Variants in MAPK10 observed in about 807,000 individuals in gnomAD.
The protein encoded by MAPK10 is mitogen-activated protein kinase 10.
MAPK10 carries 25 observed loss-of-function variants against 59.3 expected under a neutral mutation model. That is an observed-to-expected ratio of 0.42 (90% CI 0.31 to 0.59). MAPK10 has a LOEUF of 0.59. Ranked by LOEUF, MAPK10 falls within the 20% of genes least tolerant of loss-of-function variation. The pLI is 0.15. For missense variants in MAPK10, 351 were observed against 568.9 expected, an observed-to-expected ratio of 0.62 and a Z score of 3.90; for synonymous variants, 190 against 200.5, an observed-to-expected ratio of 0.95 and a Z score of 0.44.
chr4:86,436,624 C>A (rs2149044626), intron 1 of MAPK10, among the ~76,000 whole-genome samples: 1 of 152,130 alleles, frequency 6.6e-6, no homozygotes, highest in Admixed American at 6.5e-5. Context: ...AACAACCTAG[C>A]TAAATGTACT....
intron 9 of MAPK10, among the ~76,000 whole-genome samples, chr4:86,074,273 G>A (rs935058246): frequency 1.3e-4 from 18 of 141,930 alleles, no homozygotes; most frequent in Non-Finnish European, 2.5e-4. Context: ...CTTTTATTTT[G>A]AGCCTATGTG....
chr4:86,470,127 A>AG (rs1752543795), intron 1 of MAPK10, among the ~76,000 whole-genome samples: 1 of 152,202 alleles, frequency 6.6e-6, no homozygotes, highest in Non-Finnish European at 1.5e-5. Context: ...AAGTCACAAA[A>AG]GGGGGTATAA....
intron 2 of MAPK10, among the ~76,000 whole-genome samples, chr4:86,239,638 A>C (rs1405368760): frequency 6.6e-6 from 1 of 151,748 alleles, no homozygotes; most frequent in African/African-American, 2.4e-5. Flanking sequence ...ATTTGCTTAG[A>C]GGTGTTTATA....
At chr4:86,198,382 G>A (rs1306490801) in intron 2 of MAPK10, among the ~76,000 whole-genome samples, 1 of 152,060 alleles carries the variant, frequency 6.6e-6, no homozygotes, top group South Asian at 2.1e-4. Flanking sequence ...TATGGGAACT[G>A]GGGCCCGAGG....
chr4:86,277,800 A>T (rs2094637687), intron 2 of MAPK10, among the ~76,000 whole-genome samples: 1 of 152,146 alleles, frequency 6.6e-6, no homozygotes. Flanking sequence ...ACTATCAACC[A>T]TCTAAATTTA....
At chr4:86,524,339 A>G (rs1354214561) in intron 1 of MAPK10, among the ~76,000 whole-genome samples, 2 of 152,180 alleles carry the variant, frequency 1.3e-5, no homozygotes, top group South Asian at 2.1e-4. Context: ...TTTTTATGCA[A>G]TCACCTACTT....
At chr4:86,246,963 A>G (rs1022244917) in intron 2 of MAPK10, among the ~76,000 whole-genome samples, 2 of 152,132 alleles carry the variant, frequency 1.3e-5, no homozygotes, top group Admixed American at 6.5e-5. Context: ...TGTGCAACCT[A>G]AGTTGGACCA....
chr4:86,070,860 A>C (rs1431940292), intron 9 of MAPK10, among the ~76,000 whole-genome samples: 1 of 152,124 alleles, frequency 6.6e-6, no homozygotes, highest in Non-Finnish European at 1.5e-5. Flanking sequence ...ATACGTGTGC[A>C]TGTGTCTTTA....
intron 1 of MAPK10, among the ~76,000 whole-genome samples, chr4:86,536,790 T>C (rs942345094): frequency 6.6e-5 from 10 of 152,206 alleles, no homozygotes; most frequent in African/African-American, 2.4e-4. Flanking sequence ...TTCCCATAGA[T>C]TAAAAAGACA....
chr4:86,053,144 A>G (rs1050994008), intron 11 of MAPK10, among the ~76,000 whole-genome samples: 1 of 152,178 alleles, frequency 6.6e-6, no homozygotes, highest in Non-Finnish European at 1.5e-5. Context: ...CTGCTCACCA[A>G]ATAATTCTGC....
At chr4:86,201,560 A>G (rs2149331949) in intron 2 of MAPK10, among the ~76,000 whole-genome samples, 1 of 152,056 alleles carries the variant, frequency 6.6e-6, no homozygotes, top group African/African-American at 2.4e-5. Context: ...TATATTACAA[A>G]TTATAGAAAT....
intron 2 of MAPK10, among the ~76,000 whole-genome samples, chr4:86,231,701 T>C (rs958197121): frequency 2.0e-5 from 3 of 152,116 alleles, no homozygotes; most frequent in Admixed American, 6.6e-5. Context: ...AGTACAGTTA[T>C]AGGGATAGTA....
intron 13 of MAPK10, chr4:86,027,055 A>G (rs1401365714): frequency 7.2e-5 from 11 of 152,352 alleles, no homozygotes; most frequent in Non-Finnish European, 1.6e-4. Flanking sequence ...CAGCGCCAGC[A>G]CATGGCTGCC....
chr4:86,167,757 T>C (rs2072323567), intron 3 of MAPK10, among the ~76,000 whole-genome samples: 2 of 152,046 alleles, frequency 1.3e-5, no homozygotes, highest in Admixed American at 1.3e-4. Flanking sequence ...CCACAACCAA[T>C]ATCCCACAAC....
intron 2 of MAPK10, among the ~76,000 whole-genome samples, chr4:86,284,543 C>T (rs2094929985): frequency 6.6e-6 from 1 of 152,204 alleles, no homozygotes; most frequent in Non-Finnish European, 1.5e-5. Context: ...CCACAGAGCT[C>T]TGTGCCTCAG....
At chr4:86,123,902 A>C (rs889561359) in intron 4 of MAPK10, 1 of 152,042 alleles carries the variant, frequency 6.6e-6, no homozygotes, top group African/African-American at 2.4e-5. Flanking sequence ...TAAACATTTA[A>C]GTTATGGCTA....
intron 1 of MAPK10, among the ~76,000 whole-genome samples, chr4:86,585,347 T>G (rs1304813657): frequency 6.6e-6 from 1 of 152,160 alleles, no homozygotes; most frequent in South Asian, 2.1e-4. Flanking sequence ...TACAAAAATA[T>G]ATTTAATGGA....
At chr4:86,276,855 A>T (rs572265858) in intron 2 of MAPK10, among the ~76,000 whole-genome samples, 7 of 152,170 alleles carry the variant, frequency 4.6e-5, no homozygotes, top group African/African-American at 1.4e-4. Flanking sequence ...GCCCTGCATC[A>T]CAATGCTAGT....
chr4:86,164,066 T>C (rs1263784211), intron 3 of MAPK10, among the ~76,000 whole-genome samples: 1 of 152,148 alleles, frequency 6.6e-6, no homozygotes, highest in Admixed American at 6.6e-5. Context: ...AGTTCCTGAG[T>C]GGGAAACATT....
Sources: allele counts gnomAD v4.1 joint callset (sites outside exome capture counted in the v4.1 genomes callset), GRCh38; gene constraint gnomAD v4.1.1; transcripts MANE v1.5; gene names NCBI Gene and HGNC (gene_info 2026-07-23, HGNC 2026-07-21).